The following PDE1A variants were observed in gnomAD, a reference collection of about 807,000 sequenced individuals.
PDE1A encodes the protein phosphodiesterase 1A.
PDE1A carries 35 observed loss-of-function variants against 61.7 expected under a neutral mutation model. The observed-to-expected ratio is 0.57, with a 90% CI of 0.43 to 0.75. PDE1A has a LOEUF of 0.75. Ranked by LOEUF, PDE1A falls within the 30% of genes least tolerant of loss-of-function variation. PDE1A has a pLI of 0.00. For synonymous variants in PDE1A, 232 were observed against 213.2 expected (o/e 1.09, Z -0.77); for missense variants, 597 against 630.6 (o/e 0.95, Z 0.57).
intron 10 of PDE1A, among the ~76,000 whole-genome samples, chr2:182,199,917 T>C (rs1384187040): frequency 6.6e-6 from 1 of 151,906 alleles, no homozygotes; most frequent in Non-Finnish European, 1.5e-5. Flanking sequence ...ATTTGGTGTT[T>C]ATATCTTCAG....
intron 1 of PDE1A, among the ~76,000 whole-genome samples, chr2:182,341,967 C>G (rs1698214697): frequency 6.6e-6 from 1 of 152,044 alleles, no homozygotes; most frequent in Non-Finnish European, 1.5e-5. Flanking sequence ...CCAGGCCTCG[C>G]TATGTTGCCC....
chr2:182,498,410 T>A (rs1029141381), intron 2 of PDE1A, among the ~76,000 whole-genome samples: 50 of 152,006 alleles, frequency 3.3e-4, no homozygotes, highest in African/African-American at 1.1e-3. Context: ...GGCTGAGAGA[T>A]AGATGTTAAA....
intron 1 of PDE1A, among the ~76,000 whole-genome samples, chr2:182,339,745 A>T (rs1698063473): frequency 6.6e-6 from 1 of 152,194 alleles, no homozygotes; most frequent in South Asian, 2.1e-4. Context: ...AAACCTGCCC[A>T]CTCATAATCT....
chr2:182,456,979 C>G (rs1413412402), intron 2 of PDE1A, among the ~76,000 whole-genome samples: 2 of 152,032 alleles, frequency 1.3e-5, no homozygotes. Context: ...ATCATTGGAA[C>G]AAGCATAAAA....
At chr2:182,169,516 A>G (rs1031440988) in intron 13 of PDE1A, among the ~76,000 whole-genome samples, 2 of 152,084 alleles carry the variant, frequency 1.3e-5, no homozygotes, top group Non-Finnish European at 2.9e-5. Flanking sequence ...ATAATACTCA[A>G]TAAGGACCAT....
At chr2:182,516,336 C>T (rs573762140) in intron 2 of PDE1A, among the ~76,000 whole-genome samples, 116 of 152,182 alleles carry the variant, frequency 7.6e-4, no homozygotes, top group Non-Finnish European at 1.4e-3. Context: ...TTTTCTTCTG[C>T]CTCTCTCTTC....
At chr2:182,716,698 C>T in the PDE1A span, among the ~76,000 whole-genome samples, 45 of 152,350 alleles carry the variant, frequency 3.0e-4, no homozygotes, top group Non-Finnish European at 5.6e-4. Context: ...TACACTTTCT[C>T]CCTAAGTCCG....
chr2:182,657,803 A>T, the PDE1A span, among the ~76,000 whole-genome samples: 2 of 152,156 alleles, frequency 1.3e-5, no homozygotes, highest in Non-Finnish European at 2.9e-5. Context: ...GGCTAAAAAC[A>T]TCTCTAAGTT....
At chr2:182,548,767 C>T in the PDE1A span, among the ~76,000 whole-genome samples, 1 of 152,118 alleles carries the variant, frequency 6.6e-6, no homozygotes, top group African/African-American at 2.4e-5. Flanking sequence ...GAACCAGATT[C>T]CACTCATGGT....
At chr2:182,144,427 C>T (rs565599513), downstream of PDE1A, among the ~76,000 whole-genome samples, 5 of 152,246 alleles carry the variant, frequency 3.3e-5, no homozygotes, top group South Asian at 2.1e-4. Flanking sequence ...AAAACACTTT[C>T]GTGGTCTAAA....
At chr2:182,386,721 C>T (rs568638242) in intron 1 of PDE1A, among the ~76,000 whole-genome samples, 168 of 152,214 alleles carry the variant, frequency 1.1e-3, no homozygotes, top group Non-Finnish European at 1.8e-3. Flanking sequence ...AGGAGCGTCT[C>T]CGCCCGGCAG....
intron 1 of PDE1A, among the ~76,000 whole-genome samples, chr2:182,353,907 G>C (rs1239342131): frequency 6.6e-6 from 1 of 151,956 alleles, no homozygotes; most frequent in Non-Finnish European, 1.5e-5. Context: ...ATAGAAACCT[G>C]CATTTCAGAA....
At chr2:182,260,655 T>C (rs1692156184) in intron 2 of PDE1A, among the ~76,000 whole-genome samples, 1 of 152,202 alleles carries the variant, frequency 6.6e-6, no homozygotes, top group African/African-American at 2.4e-5. Context: ...TTGTAGCATG[T>C]TATTTTTCAT....
intron 4 of PDE1A, among the ~76,000 whole-genome samples, chr2:182,232,674 T>C (rs1326874851): frequency 6.6e-6 from 1 of 152,194 alleles, no homozygotes; most frequent in Non-Finnish European, 1.5e-5. Flanking sequence ...TCTTTATATA[T>C]TAAAAGTTAT....
chr2:182,688,440 T>C, the PDE1A span, among the ~76,000 whole-genome samples: 3 of 151,944 alleles, frequency 2.0e-5, no homozygotes, highest in Non-Finnish European at 4.4e-5. Flanking sequence ...GCTTCATAAG[T>C]GAAGGAGAAA....
intron 11 of PDE1A, 112 bp from the exon 12 acceptor site, chr2:182,186,700 C>A: frequency 1.0e-6 from 1 of 1,003,224 alleles, no homozygotes; most frequent in Non-Finnish European, 1.5e-6. Context: ...TAGCAAGAAT[C>A]AACTAAAATA....
chr2:182,402,154 A>G (rs1683127434), intron 1 of PDE1A, among the ~76,000 whole-genome samples: 1 of 152,204 alleles, frequency 6.6e-6, no homozygotes, highest in African/African-American at 2.4e-5. Context: ...GACTTTCTTC[A>G]GAGAGTTAGA....
chr2:182,537,024 A>T, the PDE1A span, among the ~76,000 whole-genome samples: 2 of 152,242 alleles, frequency 1.3e-5, no homozygotes, highest in African/African-American at 4.8e-5. Context: ...TAGCCGCTGC[A>T]TGAATGCAAT....
At chr2:182,454,118 C>T (rs1017026603) in intron 2 of PDE1A, among the ~76,000 whole-genome samples, 22 of 152,104 alleles carry the variant, frequency 1.4e-4, no homozygotes, top group Admixed American at 1.2e-3. Context: ...TTCTTATACA[C>T]GAATAACAGA....
Sources: allele counts gnomAD v4.1 joint callset (sites outside exome capture counted in the v4.1 genomes callset), GRCh38; gene constraint gnomAD v4.1.1; transcripts MANE v1.5; gene names NCBI Gene and HGNC (gene_info 2026-07-23, HGNC 2026-07-21).